Variants in BIRC3 observed in about 807,000 individuals in gnomAD.
BIRC3 encodes baculoviral IAP repeat containing 3.
A neutral mutation model predicts 59.0 loss-of-function variants in BIRC3; 26 were observed. That is an observed-to-expected ratio of 0.44 (90% CI 0.32 to 0.61). The LOEUF is 0.61. BIRC3 is among the 20% of genes least tolerant of loss of function. BIRC3 has a pLI of 0.04. For synonymous variants in BIRC3, 243 were observed against 249.2 expected (o/e 0.98, Z 0.24); for missense variants, 641 against 711.5 (o/e 0.90, Z 1.13).
chr11:102,318,578 G>A (rs1950997869), intron 1 of BIRC3, among the ~76,000 whole-genome samples: 1 of 152,192 alleles, frequency 6.6e-6, no homozygotes, highest in Admixed American at 6.5e-5. Flanking sequence ...CTAGCGGGAG[G>A]CAGAAAGAAA....
chr11:102,325,766 T>G (rs574921663), intron 3 of BIRC3, among the ~76,000 whole-genome samples: 1 of 152,142 alleles, frequency 6.6e-6, no homozygotes, highest in Non-Finnish European at 1.5e-5. Context: ...TGGGGATTTT[T>G]GTTTAATTTT....
rs1236665211 is a variant in BIRC3 at position 102,337,772 on chromosome 11, A to T, written c.*670A>T. 4.2e-6 allele frequency: 1 copy of T among 237,562 alleles called. No homozygotes were observed. Among genetic ancestry groups the T allele is most frequent in the African/African-American group, 2.2e-5 (1 of 45,560 alleles). 14.7% of individuals were successfully genotyped at this position (237,562 alleles called of 1,614,324 possible). On this transcript the variant is annotated 3_prime_UTR_variant, in exon 9 of 9. Coordinates refer to ENST00000263464, the MANE Select transcript of BIRC3 (RefSeq NM_001165.5). The stretch of plus-strand genomic sequence containing the variant: ...TTATTTCAATGACATTGGATAGTTT[A>T]GTCACTCCCAGACTCTTTCCATACC...
Position 102,330,911 on chromosome 11 carries a change from C to A in BIRC3, c.1082-88C>A, listed in dbSNP as rs1447459223. On this transcript the variant is annotated intron_variant, in intron 5 of 8. Coordinates refer to ENST00000263464, the MANE Select transcript of BIRC3 (RefSeq NM_001165.5). ...GTTTTACATTTTTAATATTATAAAA[C>A]CTTTCAATTTTTGATTTCATTTCAA... The A allele has an allele frequency of 5.3e-6, 7 of 1,330,254 alleles. No individual in the cohort carries two copies. In the African/African-American group the frequency reaches 1.0e-4, roughly 20 times the overall value. 82.4% of individuals were successfully genotyped at this position (1,330,254 alleles called of 1,614,324 possible).
chr11:102,325,469 A>G lies in BIRC3; in HGVS notation c.857A>G (p.Asn286Ser), dbSNP rs894701627. The G allele has an allele frequency of 6.2e-7, 1 of 1,610,702 alleles. No individual in the cohort carries two copies. The highest frequency in any genetic ancestry group is 8.5e-7 in the Non-Finnish European group (1 of 1,178,412). The change falls in exon 3 of 9, where the codon AAC (asparagine) becomes AGC (serine). Residue 286 changes from asparagine to serine, a missense_variant. Asn to Ser is a conservative substitution (Grantham distance 46). This residue lies in a region of BIRC3 where 329 missense variants were observed against 365.6 expected (regional missense o/e 0.90). Transcript: ENST00000263464. ...LASAGFYYVG[N>S]SDDVKCFCCD... ...TTTGGTCTAAAATTAATTTTAGGTAACAGTGATGATGTCAAATGCTTTTGC... is the reference window on the plus strand; with the variant it reads ...TTTGGTCTAAAATTAATTTTAGGTAGCAGTGATGATGTCAAATGCTTTTGC...
intron 6 of BIRC3, among the ~76,000 whole-genome samples, chr11:102,332,309 AAC>A (rs1421793764): frequency 6.6e-6 from 1 of 152,236 alleles, no homozygotes; most frequent in Non-Finnish European, 1.5e-5. Context: ...CACAGCTGAA[AAC>A]AGACTGCAAC....
In BIRC3 at chr11:102,324,634, G is replaced by A; in HGVS notation, c.125G>A (p.Gly42Glu). Residue 42 changes from glycine (G) to glutamate (E), a missense_variant, in exon 2 of 9, where the codon GGG becomes GAG. Transcript: ENST00000263464. Reference sequence around the variant, plus strand: ...TCTACGTATTCCACTTTTCCTGCTGGGGTTCCTGTCTCAGAAAGGAGTCTT... The same window carrying A: ...TCTACGTATTCCACTTTTCCTGCTGAGGTTCCTGTCTCAGAAAGGAGTCTT... ...RMSTYSTFPA[G>E]VPVSERSLAR... The A allele has an allele frequency of 6.2e-7, 1 of 1,614,124 alleles. No homozygotes were observed. The highest frequency in any genetic ancestry group is 8.5e-7 in the Non-Finnish European group (1 of 1,180,010).
chr11:102,324,840 C>G lies in BIRC3; in HGVS notation c.331C>G (p.Pro111Ala). ...SVNNLEATSQ[P>A]TFPSSVTNST... Reference sequence around the variant, plus strand: ...TAACAACTTGGAAGCTACCTCTCAGCCTACTTTTCCTTCTTCAGTAACAAA... The same window carrying G: ...TAACAACTTGGAAGCTACCTCTCAGGCTACTTTTCCTTCTTCAGTAACAAA... The change falls in exon 2 of 9, where the codon CCT becomes GCT. Residue 111 changes from proline (P) to alanine (A), a missense_variant. Physicochemically the swap from Pro to Ala is conservative, Grantham distance 27. This residue lies in a region of BIRC3 where 329 missense variants were observed against 365.6 expected (regional missense o/e 0.90). Transcript: ENST00000263464. 6.2e-7 allele frequency: 1 copy of G among 1,614,206 alleles called. No individual in the cohort carries two copies.
rs1951044813 is a variant in BIRC3, at chr11:102,322,836, T to C, written c.-1674T>C. On this transcript the variant is annotated 5_prime_UTR_variant, in exon 2 of 9. Transcript: ENST00000263464. The stretch of plus-strand genomic sequence containing the variant: ...TGACTTGCTTATTGGTCATTGCTAG[T>C]ATTATCGACTCAGAACCTCTTTACT... 4.7e-6 allele frequency: 1 copy of C among 210,780 alleles called. No homozygotes were observed. The highest frequency in any genetic ancestry group is 9.5e-6 in the Non-Finnish European group (1 of 104,818). 13.1% of individuals were successfully genotyped at this position (210,780 alleles called of 1,614,324 possible).
At chr11:102,333,970 T>C (rs1286306295) in intron 6 of BIRC3, among the ~76,000 whole-genome samples, 2 of 152,180 alleles carry the variant, frequency 1.3e-5, no homozygotes, top group African/African-American at 4.8e-5. Context: ...TTTGTGATGG[T>C]GTATGCCTGG....
chr11:102,332,858 A>T (rs1951158184), intron 6 of BIRC3, among the ~76,000 whole-genome samples: 1 of 152,338 alleles, frequency 6.6e-6, no homozygotes, highest in East Asian at 1.9e-4. Context: ...CTCTGTGAAG[A>T]TTAGGCAAGC....
rs1179569198 is a variant in BIRC3 at position 102,339,000 on chromosome 11, G to A, written c.*1898G>A. 3 of 215,518 alleles carry A rather than the reference G, an allele frequency of 1.4e-5. No individual in the cohort carries two copies. The highest frequency in any genetic ancestry group is 2.8e-5 in the Non-Finnish European group (3 of 107,606). The allele number at this position is 215,518 out of a possible 1,614,324, so 13.4% of individuals were successfully genotyped here. ...AACAATTAGGGACCAAGTGAGGGGAGGAAAGAATCCATCTCTGCATTCTGA... is the reference window on the plus strand; with the variant it reads ...AACAATTAGGGACCAAGTGAGGGGAAGAAAGAATCCATCTCTGCATTCTGA... On this transcript the variant is annotated 3_prime_UTR_variant, in exon 9 of 9. Transcript: ENST00000263464.
In BIRC3 at chr11:102,325,128, G is replaced by A. The variant is rs76109257; in HGVS notation, c.619G>A (p.Ala207Thr). Residue 207 changes from alanine to threonine, a missense_variant, in exon 2 of 9, where the codon GCC (alanine) becomes ACC (threonine). Physicochemically the swap from Ala to Thr is moderately conservative, Grantham distance 58. Around this residue, in one of 4 missense-constraint regions of BIRC3, gnomAD observed 329 missense variants for 365.6 expected, o/e 0.90. Transcript: ENST00000263464. ...IGPGDRVACF[A>T]CGGKLSNWEP... ...ACCTGGAGACAGAGTGGCTTGCTTT[G>A]CCTGTGGTGGAAAATTGAGCAATTG... The A allele has an allele frequency of 6.2e-7, 1 of 1,614,124 alleles. No homozygotes were observed. Among genetic ancestry groups the A allele is most frequent in the South Asian group, 1.1e-5 (1 of 91,078 alleles).
Position 102,328,901 on chromosome 11 carries a change from T to C in BIRC3, c.1037T>C (p.Leu346Pro). 1 of 1,323,922 alleles carries C rather than the reference T, an allele frequency of 7.6e-7. No individual in the cohort carries two copies. The highest frequency in any genetic ancestry group is 9.8e-7 in the Non-Finnish European group (1 of 1,015,298). 82.0% of individuals were successfully genotyped at this position (1,323,922 alleles called of 1,614,324 possible). A position where few individuals can be genotyped will look rare whatever the true frequency, so the allele number is the denominator to read the frequency against. ...ASYPHLLEQL[L>P]STSDSPGDEN... ...ATATATTTTTTTTTTCTGCAGCTGC[T>C]ATCCACATCAGACAGCCCAGGAGAT... The change falls in exon 5 of 9, where the codon CTA (leucine) becomes CCA (proline). Residue 346 changes from leucine (L) to proline (P), a missense_variant. By Grantham distance (98) the Leu-to-Pro change is moderately conservative. Coordinates refer to ENST00000263464, the MANE Select transcript of BIRC3 (RefSeq NM_001165.5).
Position 102,331,210 on chromosome 11 carries a change from G to A in BIRC3, c.1293G>A (p.Glu431=). The change falls in exon 6 of 9, where the codon GAG becomes GAA. Residue 431 remains glutamate (E), a synonymous_variant. Transcript: ENST00000263464. Reference sequence around the variant, plus strand: ...CAGAAGATGAAATAAGGGAAGAGGAGAGAGAAAGAGCAACTGAGGAAAAAG... The same window carrying A: ...CAGAAGATGAAATAAGGGAAGAGGAAAGAGAAAGAGCAACTGAGGAAAAAG... ...LNAEDEIREE[E]RERATEEKES... is the part of the protein sequence containing the mutation. 6.2e-7 allele frequency: 1 copy of A among 1,610,156 alleles called. No individual in the cohort carries two copies. The highest frequency in any genetic ancestry group is 8.5e-7 in the Non-Finnish European group (1 of 1,178,964).
At chr11:102,326,546 A>G (rs924862298) in intron 3 of BIRC3, among the ~76,000 whole-genome samples, 2 of 152,266 alleles carry the variant, frequency 1.3e-5, no homozygotes, top group Admixed American at 6.5e-5. Flanking sequence ...TGTGGCCTAC[A>G]ATTACATTTT....
chr11:102,336,796 T>C lies in BIRC3; in HGVS notation c.1616T>C (p.Val539Ala), dbSNP rs1300591134. 8 of 1,607,380 alleles carry C rather than the reference T, an allele frequency of 5.0e-6. No homozygotes were observed. The highest frequency in any genetic ancestry group is 5.9e-6 in the Non-Finnish European group (7 of 1,177,422). ...ATAAAATATATTCCCACAGAAGATGTTTCAGGTAATAGTACTAATATTTTA... is the reference window on the plus strand; with the variant it reads ...ATAAAATATATTCCCACAGAAGATGCTTCAGGTAATAGTACTAATATTTTA... ...QDIKYIPTED[V>A]SDLPVEEQLR... is the part of the protein sequence containing the mutation. The change falls in exon 8 of 9, where the codon GTT becomes GCT. Residue 539 changes from valine (V) to alanine (A), a missense_variant. Around this residue, in one of 4 missense-constraint regions of BIRC3, gnomAD observed 268 missense variants for 255.7 expected, o/e 1.05. Coordinates refer to ENST00000263464, the MANE Select transcript of BIRC3 (RefSeq NM_001165.5).
chr11:102,318,423 G>T (rs567762863), intron 1 of BIRC3, among the ~76,000 whole-genome samples: 27 of 152,248 alleles, frequency 1.8e-4, no homozygotes, highest in African/African-American at 6.5e-4. Flanking sequence ...GAAGTACTGT[G>T]GTCACTCAGG....
chr11:102,322,490 T>C lies in BIRC3; in HGVS notation c.-2020T>C, dbSNP rs1166361764. 4.4e-5 allele frequency: 9 copies of C among 205,794 alleles called. No homozygotes were observed. The highest frequency in any genetic ancestry group is 8.9e-5 in the Non-Finnish European group (9 of 100,806). 12.7% of individuals were successfully genotyped at this position (205,794 alleles called of 1,614,324 possible). A position where few individuals can be genotyped will look rare whatever the true frequency, so the allele number is the denominator to read the frequency against. The stretch of plus-strand genomic sequence containing the variant: ...AATGGGCTGTTACCGCTGAGAATGA[T>C]GAGGATGAGAATGATGGTTGAAGGT... On this transcript the variant is annotated 5_prime_UTR_variant, in exon 2 of 9. The change abolishes an upstream ATG in the 5' untranslated region. Coordinates refer to ENST00000263464, the MANE Select transcript of BIRC3 (RefSeq NM_001165.5).
At position 102,322,015 on chromosome 11, in the gene BIRC3, CT is replaced by C. The variant is rs1287170353; in HGVS notation, c.-2494del. ...CTGGTGTTTTACTATCCAAAGAATG[CT>C]AATTTTATAAACATGATCGAGTTAT... On this transcript the variant is annotated 5_prime_UTR_variant, in exon 2 of 9. The change abolishes the stop of an existing upstream ORF in the 5' untranslated region. Coordinates refer to ENST00000263464, the MANE Select transcript of BIRC3 (RefSeq NM_001165.5). 3 of 193,954 alleles carry C rather than the reference CT, an allele frequency of 1.5e-5. No individual in the cohort carries two copies. Among genetic ancestry groups the C allele is most frequent in the Non-Finnish European group, 3.2e-5 (3 of 93,192 alleles). The allele number at this position is 193,954 out of a possible 1,614,324, so 12.0% of individuals were successfully genotyped here.
Sources: allele counts gnomAD v4.1 joint callset (sites outside exome capture counted in the v4.1 genomes callset), GRCh38; gene constraint gnomAD v4.1.1; regional missense constraint gnomAD v4.1.1; transcripts MANE v1.5; gene names NCBI Gene and HGNC (gene_info 2026-07-23, HGNC 2026-07-21).